Variants in MGMT observed in about 807,000 individuals in gnomAD.
MGMT encodes the protein O-6-methylguanine-DNA methyltransferase, also known as methylated-DNA--protein-cysteine methyltransferase.
MGMT carries 14 observed loss-of-function variants against 15.9 expected under a neutral mutation model. The ratio of observed to expected loss-of-function variants is 0.88; its 90% CI spans 0.58 to 1.37. The LOEUF is 1.37. MGMT is among the 40% of genes most tolerant of loss of function. MGMT has a pLI of 0.00. For missense variants in MGMT, 282 were observed against 268.1 expected (o/e 1.05, Z -0.36); for synonymous variants, 130 against 118.2 (o/e 1.10, Z -0.65).
At chr10:129,497,592 C>G (rs985263383) in intron 1 of MGMT, among the ~76,000 whole-genome samples, 4 of 152,210 alleles carry the variant, frequency 2.6e-5, no homozygotes, top group Admixed American at 6.5e-5. Context: ...CTTACCACAA[C>G]CAGGGCGCTA....
intron 2 of MGMT, among the ~76,000 whole-genome samples, chr10:129,670,098 G>C (rs1342503414): frequency 6.7e-6 from 1 of 148,160 alleles, no homozygotes; most frequent in Non-Finnish European, 1.5e-5. Context: ...TCATAGAAAT[G>C]ATTGTCATTA....
chr10:129,520,375 A>G (rs1845789239), intron 1 of MGMT, among the ~76,000 whole-genome samples: 1 of 152,122 alleles, frequency 6.6e-6, no homozygotes, highest in African/African-American at 2.4e-5. Flanking sequence ...CATTGTATGC[A>G]CGTGTCCTAA....
intron 2 of MGMT, among the ~76,000 whole-genome samples, chr10:129,636,630 C>T (rs1036280469): frequency 1.3e-5 from 2 of 152,206 alleles, no homozygotes; most frequent in Non-Finnish European, 2.9e-5. Context: ...AAGCTTTCAG[C>T]ATTCCACTGT....
At chr10:129,579,368 T>A (rs976995219) in intron 2 of MGMT, among the ~76,000 whole-genome samples, 3 of 152,120 alleles carry the variant, frequency 2.0e-5, no homozygotes, top group African/African-American at 7.2e-5. Flanking sequence ...AGGAGTCCCG[T>A]GGGTCAGGAG....
rs374054349 is a variant in MGMT, at chr10:129,569,777, AG to A, written c.125+33401del. Among the ~76,000 whole-genome samples, 611 of 152,300 alleles carry A rather than the reference AG, an allele frequency of 4.0e-3. 4 individuals are homozygous for A. The highest frequency in any genetic ancestry group is 0.014 in the African/African-American group (580 of 41,562). Reference sequence around the variant, plus strand: ...TGTCTCGGCAGTGCCACTTCAGACAAGTGAGTGTCCCTTTGTGGGACGTGTT... The same window carrying A: ...TGTCTCGGCAGTGCCACTTCAGACAATGAGTGTCCCTTTGTGGGACGTGTT... On this transcript the variant is annotated intron_variant, in intron 2 of 4. Coordinates refer to ENST00000651593, the MANE Select transcript of MGMT (RefSeq NM_002412.5).
intron 4 of MGMT, among the ~76,000 whole-genome samples, chr10:129,765,721 C>T (rs1354855372): frequency 1.3e-5 from 2 of 152,146 alleles, no homozygotes; most frequent in Non-Finnish European, 2.9e-5. Context: ...AACCCTGGGG[C>T]AGGCAGGTCA....
intron 2 of MGMT, among the ~76,000 whole-genome samples, chr10:129,677,188 A>C (rs1847795914): frequency 6.6e-6 from 1 of 152,058 alleles, no homozygotes. Context: ...TTTAAAGACA[A>C]TTTTAATGCA....
chr10:129,646,893 T>C (rs1203190324), intron 2 of MGMT, among the ~76,000 whole-genome samples: 1 of 151,242 alleles, frequency 6.6e-6, no homozygotes, highest in Admixed American at 6.6e-5. Context: ...CGTGGCAGGC[T>C]GTATGGTGAG....
At chr10:129,585,603 T>TA (rs1846609277) in intron 2 of MGMT, among the ~76,000 whole-genome samples, 1 of 152,240 alleles carries the variant, frequency 6.6e-6, no homozygotes, top group Non-Finnish European at 1.5e-5. Flanking sequence ...TTATGATACC[T>TA]AATGCCTAGA....
At chr10:129,496,805 C>T (rs952225997) in intron 1 of MGMT, among the ~76,000 whole-genome samples, 12 of 152,152 alleles carry the variant, frequency 7.9e-5, no homozygotes, top group Non-Finnish European at 7.4e-5. Context: ...AATTACTACA[C>T]TTTAAAAGGG....
At chr10:129,608,758 G>A (rs1481471858) in intron 2 of MGMT, among the ~76,000 whole-genome samples, 1 of 152,238 alleles carries the variant, frequency 6.6e-6, no homozygotes, top group Non-Finnish European at 1.5e-5. Context: ...TGGGAGGGGA[G>A]ATGTGGAGTG....
chr10:129,674,745 G>C (rs1290048534), intron 2 of MGMT, among the ~76,000 whole-genome samples: 1 of 152,232 alleles, frequency 6.6e-6, no homozygotes, highest in Non-Finnish European at 1.5e-5. Flanking sequence ...CCTCCCCTGG[G>C]CTCTATCCTG....
At position 129,656,004 on chromosome 10, in the gene MGMT, A is replaced by G. The variant is rs577305568; in HGVS notation, c.126-51891A>G. On this transcript the variant is annotated intron_variant, in intron 2 of 4. Coordinates refer to ENST00000651593, the MANE Select transcript of MGMT (RefSeq NM_002412.5). ...GGTGCCCTGGCCTGGGGACTGAGCT[A>G]AGGTCTCAGAAGGGTCAGCTAGCCA... 4.0e-3 allele frequency among the ~76,000 whole-genome samples: 607 copies of G among 152,292 alleles called. 5 individuals are homozygous for G. The highest frequency in any genetic ancestry group is 0.014 in the African/African-American group (576 of 41,574).
chr10:129,553,596 G>A (rs1378035748), intron 2 of MGMT, among the ~76,000 whole-genome samples: 6 of 152,234 alleles, frequency 3.9e-5, no homozygotes, highest in Admixed American at 2.0e-4. Context: ...TGTGTCTCGT[G>A]TGTGGCACCA....
chr10:129,656,470 T>C (rs977601298), intron 2 of MGMT, among the ~76,000 whole-genome samples: 1 of 152,160 alleles, frequency 6.6e-6, no homozygotes, highest in South Asian at 2.1e-4. Flanking sequence ...ACTCCAAATA[T>C]CTGAGATGGT....
intron 2 of MGMT, among the ~76,000 whole-genome samples, chr10:129,589,058 G>A (rs1355003998): frequency 6.6e-6 from 1 of 152,240 alleles, no homozygotes; most frequent in East Asian, 1.9e-4. Context: ...GTGGAAGGCT[G>A]GAAGAGGCCG....
In MGMT at chr10:129,697,323, T is replaced by C. The variant is rs1848043517; in HGVS notation, c.126-10572T>C. Among the ~76,000 whole-genome samples, 3 of 152,182 alleles carry C rather than the reference T, an allele frequency of 2.0e-5. No individual in the cohort carries two copies. The South Asian group carries it at 6.2e-4, about 32-fold the overall frequency. On this transcript the variant is annotated intron_variant, in intron 2 of 4. Transcript: ENST00000651593. ...CAGAGCATGTGGGCGTGTGGACTTG[T>C]CATGATGAGGAGTGACCACTGGCTT...
intron 1 of MGMT, among the ~76,000 whole-genome samples, chr10:129,515,886 G>C (rs1026908454): frequency 6.6e-6 from 1 of 152,192 alleles, no homozygotes; most frequent in Non-Finnish European, 1.5e-5. Context: ...CACAGCAAGG[G>C]AAAAGAGCAA....
intron 1 of MGMT, among the ~76,000 whole-genome samples, chr10:129,476,255 C>T (rs1443841681): frequency 6.6e-6 from 1 of 152,192 alleles, no homozygotes; most frequent in Non-Finnish European, 1.5e-5. Context: ...CTGGACATGG[C>T]CCCCGCTGTC....
Sources: gnomAD v4.1 joint callset for allele counts (sites outside exome capture counted in the v4.1 genomes callset) on GRCh38, gnomAD v4.1.1 for gene constraint, MANE v1.5 for transcripts, NCBI Gene and HGNC (gene_info 2026-07-23, HGNC 2026-07-21) for gene names.